The following COL6A2 variants were observed in gnomAD, a reference collection of about 807,000 sequenced individuals.
COL6A2 encodes the protein collagen type VI alpha 2 chain, also known as collagen alpha-2(VI) chain.
A neutral mutation model predicts 124.9 loss-of-function variants in COL6A2; 90 were observed. The ratio of observed to expected loss-of-function variants is 0.72; its 90% CI spans 0.61 to 0.86. The LOEUF is 0.86. COL6A2 is among the 40% of genes least tolerant of loss of function. The pLI, the probability that COL6A2 is intolerant of heterozygous loss-of-function variation, is 0.00. For missense variants in COL6A2, 1,607 were observed against 1,502.5 expected (o/e 1.07, Z -1.15); for synonymous variants, 793 against 618.2 (o/e 1.28, Z -4.19).
intron 27 of COL6A2, among the ~76,000 whole-genome samples, chr21:46,130,879 T>C (rs995092592): frequency 5.3e-5 from 8 of 152,212 alleles, no homozygotes; most frequent in African/African-American, 1.9e-4. Context: ...GAACCCCATC[T>C]GCCAGCTCGT....
At position 46,121,652 on chromosome 21, in the gene COL6A2, G is replaced by A. The variant is rs775939773; in HGVS notation, c.1521+34G>A. The A allele has an allele frequency of 4.0e-5, 65 of 1,608,912 alleles. No homozygotes were observed. In the African/African-American group the frequency reaches 8.0e-4, roughly 20 times the overall value. The stretch of plus-strand genomic sequence containing the variant: ...CCCTCCCCCAGCAGGACGTATTAGG[G>A]GTTCGGGGCAGCTGCCTGAGGAGCA... On this transcript the variant is annotated intron_variant, in intron 18 of 27. Coordinates refer to ENST00000300527, the MANE Select transcript of COL6A2 (RefSeq NM_001849.4).
At chr21:46,099,900 T>G (rs1239204903) in intron 1 of COL6A2, among the ~76,000 whole-genome samples, 4 of 146,952 alleles carry the variant, frequency 2.7e-5, no homozygotes, top group Middle Eastern at 3.4e-3. Context: ...TTTTTTTTTT[T>G]TTTTTTTTTT....
intron 27 of COL6A2, among the ~76,000 whole-genome samples, chr21:46,130,533 G>C (rs892782624): frequency 4.6e-5 from 7 of 152,100 alleles, no homozygotes; most frequent in African/African-American, 1.4e-4. Flanking sequence ...TGGGGATGAA[G>C]GATCCTCCAC....
chr21:46,108,439 T>C (rs1022340676), intron 1 of COL6A2, among the ~76,000 whole-genome samples: 1 of 152,152 alleles, frequency 6.6e-6, no homozygotes, highest in Admixed American at 6.5e-5. Context: ...TTGTGTAGAC[T>C]CTTAAAAGGG....
chr21:46,123,510 T>C (rs948497909), intron 21 of COL6A2, among the ~76,000 whole-genome samples: 1 of 151,172 alleles, frequency 6.6e-6, no homozygotes, highest in African/African-American at 2.4e-5. Context: ...TAACGATGGA[T>C]GGATGGGCAA....
chr21:46,108,119 T>C (rs1418942142), intron 1 of COL6A2, among the ~76,000 whole-genome samples: 1 of 151,726 alleles, frequency 6.6e-6, no homozygotes, highest in East Asian at 1.9e-4. Context: ...TTTTTTTCTC[T>C]TTTTTAAAAA....
At chr21:46,130,842 G>C (rs1047445685) in intron 27 of COL6A2, among the ~76,000 whole-genome samples, 1 of 152,208 alleles carries the variant, frequency 6.6e-6, no homozygotes, top group Non-Finnish European at 1.5e-5. Flanking sequence ...CACTGAATGA[G>C]CTGCGTCACT....
chr21:46,126,633 G>A, intron 27 of COL6A2, 92 bp downstream of exon 27: 1 of 1,517,302 alleles, frequency 6.6e-7, no homozygotes, highest in Non-Finnish European at 9.1e-7. Flanking sequence ...GAGGGGCCGT[G>A]CAGGGACCCG....
chr21:46,128,299 G>T (rs555304001), intron 27 of COL6A2, among the ~76,000 whole-genome samples: 1 of 152,198 alleles, frequency 6.6e-6, no homozygotes, highest in Non-Finnish European at 1.5e-5. Flanking sequence ...CCTCTCGGCC[G>T]CCCTGACACC....
intron 5 of COL6A2, 27 bp downstream of exon 5, chr21:46,114,100 T>G: frequency 6.3e-7 from 1 of 1,589,908 alleles, no homozygotes; most frequent in Non-Finnish European, 8.6e-7. Context: ...ACCTGCAGGG[T>G]CTGCGCTACC....
intron 1 of COL6A2, among the ~76,000 whole-genome samples, chr21:46,108,970 G>A (rs974251255): frequency 4.6e-5 from 7 of 152,132 alleles, no homozygotes; most frequent in African/African-American, 9.7e-5. Flanking sequence ...CAGGAGACCC[G>A]CAGGGGGCAG....
intron 18 of COL6A2, 63 bp downstream of exon 18, chr21:46,121,681 C>A: frequency 6.5e-7 from 1 of 1,546,636 alleles, no homozygotes; most frequent in Non-Finnish European, 8.9e-7. Flanking sequence ...AGGAGCAGGA[C>A]AGGGGGCCGG....
intron 1 of COL6A2, among the ~76,000 whole-genome samples, chr21:46,102,123 G>C (rs1484071520): frequency 6.6e-6 from 1 of 151,800 alleles, no homozygotes; most frequent in Non-Finnish European, 1.5e-5. Context: ...CACCTCCTAA[G>C]TCAATTTTTA....
chr21:46,119,206 G>A, intron 14 of COL6A2, 87 bp downstream of exon 14: 1 of 1,031,638 alleles, frequency 9.7e-7, no homozygotes. Flanking sequence ...GGGCACCTGG[G>A]CTGTAGGCAG....
In COL6A2 at chr21:46,122,842, C is replaced by T. The variant is rs373975397; in HGVS notation, c.1609-33C>T. The T allele has an allele frequency of 6.9e-6, 11 of 1,605,256 alleles. No homozygotes were observed. In the African/African-American group the frequency reaches 1.5e-4, roughly 21 times the overall value. ...GGTGTCCCTGGTAGAGACAGCTCCT[C>T]TGTCCCAGGCTAACATGTGTTCCCT... On this transcript the variant is annotated intron_variant, in intron 20 of 27. Transcript: ENST00000300527.
intron 27 of COL6A2, chr21:46,129,337 C>A (rs767011828): frequency 4.3e-6 from 7 of 1,612,958 alleles, no homozygotes; most frequent in Non-Finnish European, 5.9e-6. Flanking sequence ...GCCGCCTACT[C>A]CCAGCTGGTG....
intron 21 of COL6A2, among the ~76,000 whole-genome samples, chr21:46,123,599 A>AGATG (rs1210242130): frequency 6.6e-6 from 1 of 151,310 alleles, no homozygotes. Context: ...GGTGGATAGA[A>AGATG]GATGGATGAA....
At chr21:46,111,839 G>C (rs2078403074) in intron 2 of COL6A2, 140 bp from the exon 3 acceptor site, 3 of 839,790 alleles carry the variant, frequency 3.6e-6, no homozygotes, top group Admixed American at 2.0e-5. Flanking sequence ...CCAGTACCCA[G>C]GTGCCAGGGG....
Position 46,132,346 on chromosome 21 carries a change from A to G in COL6A2, c.2854A>G (p.Thr952Ala). The G allele has an allele frequency of 6.2e-7, 1 of 1,608,382 alleles. No homozygotes were observed. Among genetic ancestry groups the G allele is most frequent in the South Asian group, 1.1e-5 (1 of 91,082 alleles). ...LSFVFLTDGV[T>A]GNDSLHESAH... ...CTTCGTGTTCCTCACGGACGGCGTCACGGGCAACGACAGTCTGCACGAGTC... is the reference window on the plus strand; with the variant it reads ...CTTCGTGTTCCTCACGGACGGCGTCGCGGGCAACGACAGTCTGCACGAGTC... The change falls in exon 28 of 28, where the codon ACG (threonine) becomes GCG (alanine). Residue 952 changes from threonine to alanine, a missense_variant. This residue lies in a region of COL6A2 where 1,223 missense variants were observed against 1,052.2 expected (regional missense o/e 1.16). Coordinates refer to ENST00000300527, the MANE Select transcript of COL6A2 (RefSeq NM_001849.4).
Sources: allele counts gnomAD v4.1 joint callset (sites outside exome capture counted in the v4.1 genomes callset), GRCh38; gene constraint gnomAD v4.1.1; regional missense constraint gnomAD v4.1.1; transcripts MANE v1.5; gene names NCBI Gene and HGNC (gene_info 2026-07-23, HGNC 2026-07-21).